The following ACOT7 variants were observed in gnomAD, a reference collection of about 807,000 sequenced individuals.
ACOT7 encodes the protein acyl-CoA thioesterase 7.
In ACOT7, 12 loss-of-function variants were observed where a neutral mutation model predicts 40.2. That is an observed-to-expected ratio of 0.30 (90% confidence interval 0.19 to 0.48). The LOEUF is 0.48. ACOT7 is among the 20% of genes least tolerant of loss of function. The pLI, the probability that ACOT7 is intolerant of heterozygous loss-of-function variation, is 0.99. For synonymous variants in ACOT7, 228 were observed against 219.5 expected (o/e 1.04, Z -0.34); for missense variants, 395 against 530.8 (o/e 0.74, Z 2.51).
chr1:6,316,481 T>G (rs1226704674), intron 6 of ACOT7, among the ~76,000 whole-genome samples: 2 of 151,886 alleles, frequency 1.3e-5, no homozygotes, highest in African/African-American at 2.4e-5. Flanking sequence ...AATCATGAAG[T>G]AGGAAAAAGA....
intron 1 of ACOT7, among the ~76,000 whole-genome samples, chr1:6,362,301 G>A (rs1300557998): frequency 1.3e-5 from 2 of 151,916 alleles, no homozygotes; most frequent in African/African-American, 2.4e-5. Context: ...CATGGTGGTG[G>A]GCGCCTGTAA....
At chr1:6,345,692 G>A (rs1005211156) in intron 2 of ACOT7, among the ~76,000 whole-genome samples, 2 of 152,208 alleles carry the variant, frequency 1.3e-5, no homozygotes, top group Admixed American at 1.3e-4. Flanking sequence ...AGCCCCGGCC[G>A]TCTTCTGGCT....
chr1:6,335,234 G>A (rs1450397926), intron 3 of ACOT7, among the ~76,000 whole-genome samples: 1 of 149,770 alleles, frequency 6.7e-6, no homozygotes, highest in African/African-American at 2.5e-5. Context: ...GGCTGAGGCA[G>A]GAGAACAGCT....
chr1:6,316,892 C>T (rs1408406507), intron 6 of ACOT7, among the ~76,000 whole-genome samples: 1 of 152,040 alleles, frequency 6.6e-6, no homozygotes, highest in African/African-American at 2.4e-5. Flanking sequence ...GCAAGGTGCC[C>T]CTTTGACTCT....
intron 7 of ACOT7, among the ~76,000 whole-genome samples, chr1:6,287,771 G>A (rs959380642): frequency 6.6e-6 from 1 of 152,158 alleles, no homozygotes; most frequent in African/African-American, 2.4e-5. Context: ...AGACTGAGAG[G>A]TTGCCAAGTG....
At chr1:6,268,938 G>C (rs935188699) in intron 8 of ACOT7, among the ~76,000 whole-genome samples, 4 of 152,218 alleles carry the variant, frequency 2.6e-5, no homozygotes, top group African/African-American at 9.6e-5. Flanking sequence ...GTCTGCAGAA[G>C]GCACTGCAGA....
chr1:6,314,168 G>C lies in ACOT7; in HGVS notation c.712+4324C>G, dbSNP rs114374438. Among the ~76,000 whole-genome samples, 964 of 152,274 alleles carry C rather than the reference G, an allele frequency of 6.3e-3. 13 individuals are homozygous for C. The highest frequency in any genetic ancestry group is 0.022 in the African/African-American group (904 of 41,550). On this transcript the variant is annotated intron_variant, in intron 6 of 8. Transcript: ENST00000361521. ...CACAGAACAACCATTGGCTTTCGTA[G>C]TAACACCGTTTCGAGGGAAAGTAAT...
chr1:6,332,805 A>G (rs1640994651), intron 4 of ACOT7, among the ~76,000 whole-genome samples: 1 of 151,658 alleles, frequency 6.6e-6, no homozygotes, highest in Non-Finnish European at 1.5e-5. Context: ...TGGGCAACAG[A>G]GCAAGATTCC....
At position 6,306,633 on chromosome 1, in the gene ACOT7, A is replaced by G; in HGVS notation, c.713-11653T>C. ...AAGGAATTTAACTGCAGCCTGTGCC[A>G]CTCAGCTTCACGAGGAAGAAAGCGG... On this transcript the variant is annotated intron_variant, in intron 6 of 8. Transcript: ENST00000361521. This position sits in a 1 kb window ranked among gnomAD's most constrained non-coding sequence, Gnocchi z 4.3. 1.0e-6 allele frequency: 1 copy of G among 985,380 alleles called. No homozygotes were observed. Among genetic ancestry groups the G allele is most frequent in the Non-Finnish European group, 1.2e-6 (1 of 829,926 alleles). 61.0% of individuals were successfully genotyped at this position (985,380 alleles called of 1,614,324 possible). A position where few individuals can be genotyped will look rare whatever the true frequency, so the allele number is the denominator to read the frequency against.
At position 6,358,790 on chromosome 1, in the gene ACOT7, C is replaced by T; in HGVS notation, c.144-8924G>A. On this transcript the variant is annotated intron_variant, in intron 1 of 8. Transcript: ENST00000361521. This position sits in a 1 kb window ranked among gnomAD's most constrained non-coding sequence, Gnocchi z 4.1. Reference sequence around the variant, plus strand: ...CCTAAACAATCCACCCACAGTGGCCCCTGCACGGCCTAGACATGCCCATGA... The same window carrying T: ...CCTAAACAATCCACCCACAGTGGCCTCTGCACGGCCTAGACATGCCCATGA... 6.2e-7 allele frequency: 1 copy of T among 1,603,062 alleles called. No homozygotes were observed. The highest frequency in any genetic ancestry group is 8.5e-7 in the Non-Finnish European group (1 of 1,170,112).
intron 8 of ACOT7, among the ~76,000 whole-genome samples, chr1:6,273,907 G>A (rs1639114362): frequency 6.6e-6 from 1 of 152,234 alleles, no homozygotes; most frequent in Admixed American, 6.5e-5. Context: ...CGAGGCAGCA[G>A]AGACCCTAGG....
At position 6,282,943 on chromosome 1, in the gene ACOT7, C is replaced by T. The variant is rs947918365; in HGVS notation, c.830-1657G>A. ...GTCTCCCAGCATCTCTGCCTCCTTC[C>T]TCACAATGCCCAGCCCACATCCCTC... On this transcript the variant is annotated intron_variant, in intron 7 of 8. Transcript: ENST00000361521. This position sits in a 1 kb window ranked among gnomAD's most constrained non-coding sequence, Gnocchi z 4.5. 6.1e-6 allele frequency: 3 copies of T among 490,450 alleles called. No homozygotes were observed. Among genetic ancestry groups the T allele is most frequent in the Admixed American group, 4.7e-5 (2 of 42,594 alleles). 30.4% of individuals were successfully genotyped at this position (490,450 alleles called of 1,614,324 possible).
In ACOT7 at chr1:6,355,847, C is replaced by T. The variant is rs1048171980; in HGVS notation, c.144-5981G>A. 3.9e-5 allele frequency among the ~76,000 whole-genome samples: 6 copies of T among 152,176 alleles called. No individual in the cohort carries two copies. Among genetic ancestry groups the T allele is most frequent in the South Asian group, 4.2e-4 (2 of 4,818 alleles). On this transcript the variant is annotated intron_variant, in intron 1 of 8. Transcript: ENST00000361521. This position sits in a 1 kb window ranked among gnomAD's most constrained non-coding sequence, Gnocchi z 5.0. ...AGCCTGTTCCGCAGCGGGAGTGAGG[C>T]GCCTGGAACAATTGAGGGGAGCCTG...
At chr1:6,291,812 C>T (rs1048298769) in intron 7 of ACOT7, among the ~76,000 whole-genome samples, 7 of 152,302 alleles carry the variant, frequency 4.6e-5, no homozygotes, top group African/African-American at 1.2e-4. Flanking sequence ...CAGCCCCCCG[C>T]GGTTTCTCAC....
rs17029372 is a variant in ACOT7 at position 6,301,377 on chromosome 1, G to A, written c.713-6397C>T. On this transcript the variant is annotated intron_variant, in intron 6 of 8. Coordinates refer to ENST00000361521, the MANE Select transcript of ACOT7 (RefSeq NM_007274.4). This position sits in a 1 kb window ranked among gnomAD's most constrained non-coding sequence, Gnocchi z 4.1. The stretch of plus-strand genomic sequence containing the variant: ...AAGGGACCTCATGTTACTGAAAACC[G>A]CTCAGGATCCAAAGCACGTGACAGT... Among the ~76,000 whole-genome samples the A allele has an allele frequency of 1.3e-5, 2 of 151,998 alleles. No homozygotes were observed. Among genetic ancestry groups the A allele is most frequent in the Non-Finnish European group, 2.9e-5 (2 of 68,000 alleles).
chr1:6,392,965 G>A (rs1398310011), intron 1 of ACOT7, among the ~76,000 whole-genome samples: 1 of 152,100 alleles, frequency 6.6e-6, no homozygotes, highest in Admixed American at 6.5e-5. Context: ...ACCTCCGCCC[G>A]CCCCGTCCCT....
chr1:6,366,023 T>C (rs2148470052), intron 1 of ACOT7, among the ~76,000 whole-genome samples: 1 of 151,794 alleles, frequency 6.6e-6, no homozygotes, highest in African/African-American at 2.4e-5. Flanking sequence ...GCCTCCCAAG[T>C]AGCTAGGATT....
chr1:6,385,906 T>A (rs1642433014), intron 1 of ACOT7: 2 of 1,196,598 alleles, frequency 1.7e-6, no homozygotes, highest in Non-Finnish European at 2.2e-6. Context: ...ATGCAAGGAA[T>A]CCATGACTCG....
intron 1 of ACOT7, chr1:6,385,345 T>G: frequency 9.9e-7 from 1 of 1,011,218 alleles, no homozygotes; most frequent in Non-Finnish European, 1.4e-6. Flanking sequence ...AGTGGGCACT[T>G]TCAATCCAGC....
Sources: allele counts gnomAD v4.1 joint callset (sites outside exome capture counted in the v4.1 genomes callset), GRCh38; gene constraint gnomAD v4.1.1; non-coding constraint Gnocchi (gnomAD v3.1); transcripts MANE v1.5; gene names NCBI Gene and HGNC (gene_info 2026-07-23, HGNC 2026-07-21).